The following NRXN3 variants were observed in gnomAD, a reference collection of about 807,000 sequenced individuals.
NRXN3 encodes the protein neurexin 3, also known as neurexin III.
A neutral mutation model predicts 137.6 loss-of-function variants in NRXN3; 32 were observed. The observed-to-expected ratio is 0.23, with a 90% CI of 0.18 to 0.31. NRXN3 has a LOEUF of 0.31. Among genes scored for constraint, NRXN3 ranks in the 10% least tolerant of loss-of-function variants. The probability of loss-of-function intolerance (pLI) is 1.00; values close to 1 mark genes in which losing one functional copy is unlikely to be tolerated. For missense variants in NRXN3, 1,574 were observed against 2,062.5 expected, an observed-to-expected ratio of 0.76 and a Z score of 4.59; for synonymous variants, 798 against 784.5, an observed-to-expected ratio of 1.02 and a Z score of -0.29.
chr14:79,108,167 G>T (rs2052803699), intron 15 of NRXN3, among the ~76,000 whole-genome samples: 1 of 152,126 alleles, frequency 6.6e-6, no homozygotes, highest in East Asian at 1.9e-4. Context: ...TTAGGAAAGT[G>T]AATTCCCTTG....
At chr14:78,469,323 C>CT (rs1221788700) in intron 4 of NRXN3, among the ~76,000 whole-genome samples, 17 of 152,132 alleles carry the variant, frequency 1.1e-4, no homozygotes, top group African/African-American at 4.1e-4. Context: ...ACCAAAGAAT[C>CT]TATTTAGTGA....
chr14:79,103,237 A>G (rs1022813825), intron 15 of NRXN3, among the ~76,000 whole-genome samples: 6 of 152,190 alleles, frequency 3.9e-5, no homozygotes, highest in African/African-American at 1.4e-4. Context: ...GGGCTGTGGC[A>G]AAACAGGAAG....
At chr14:78,350,873 A>C (rs1187596906) in intron 4 of NRXN3, among the ~76,000 whole-genome samples, 1 of 152,168 alleles carries the variant, frequency 6.6e-6, no homozygotes, top group African/African-American at 2.4e-5. Flanking sequence ...TTAAAATAGA[A>C]AAATCTGGAG....
chr14:79,011,282 G>C (rs1472123778), intron 15 of NRXN3, among the ~76,000 whole-genome samples: 1 of 151,902 alleles, frequency 6.6e-6, no homozygotes, highest in East Asian at 1.9e-4. Context: ...AAAAAGATCT[G>C]GTGTAAAAGT....
chr14:79,158,002 A>G (rs983416366), intron 15 of NRXN3, among the ~76,000 whole-genome samples: 1 of 151,784 alleles, frequency 6.6e-6, no homozygotes, highest in African/African-American at 2.4e-5. Context: ...GATTGAGTAA[A>G]GATCTTTCTT....
At chr14:78,174,785 G>T (rs1386664649) in intron 1 of NRXN3, among the ~76,000 whole-genome samples, 2 of 152,160 alleles carry the variant, frequency 1.3e-5, no homozygotes, top group Admixed American at 6.5e-5. Context: ...AACTGCTCCT[G>T]CCTCCAGCAG....
intron 4 of NRXN3, among the ~76,000 whole-genome samples, chr14:78,361,514 G>C (rs561630102): frequency 6.6e-6 from 1 of 152,300 alleles, no homozygotes; most frequent in South Asian, 2.1e-4. Context: ...CTCTCCTGTA[G>C]TTAATTTCTC....
chr14:79,159,752 A>T (rs72688913), intron 15 of NRXN3, among the ~76,000 whole-genome samples: 11,904 of 151,886 alleles, frequency 0.078, 612 homozygotes, highest in Non-Finnish European at 0.11. Context: ...CAGAATTTGT[A>T]TTGCTCTGAT....
At position 79,862,037 on chromosome 14, in the gene NRXN3, G is replaced by C; in HGVS notation, c.*73G>C. The C allele has an allele frequency of 8.1e-7, 1 of 1,230,238 alleles. No individual in the cohort carries two copies. The highest frequency in any genetic ancestry group is 1.5e-5 in the South Asian group (1 of 67,012). The allele number at this position is 1,230,238 out of a possible 1,614,324, so 76.2% of individuals were successfully genotyped here. A position where few individuals can be genotyped will look rare whatever the true frequency, so the allele number is the denominator to read the frequency against. ...ACGCCTATGAATCTTTGGACGGTGA[G>C]ATCTCACAGATGTCAGAACTGCTGG... On this transcript the variant is annotated 3_prime_UTR_variant, in exon 21 of 21. Transcript: ENST00000335750.
intron 10 of NRXN3, among the ~76,000 whole-genome samples, chr14:78,938,889 G>T (rs2099347413): frequency 7.0e-6 from 1 of 142,116 alleles, no homozygotes; most frequent in African/African-American, 2.8e-5. Flanking sequence ...CTGTCGCCCA[G>T]GCTGGAGTGC....
intron 18 of NRXN3, among the ~76,000 whole-genome samples, chr14:79,693,745 G>T (rs74063917): frequency 6.6e-6 from 1 of 151,228 alleles, no homozygotes; most frequent in South Asian, 2.1e-4. Context: ...CACATAAAAG[G>T]TGCTTTCAAA....
At chr14:78,761,921 T>C (rs1223282159) in intron 8 of NRXN3, among the ~76,000 whole-genome samples, 2 of 152,294 alleles carry the variant, frequency 1.3e-5, no homozygotes, top group East Asian at 3.9e-4. Flanking sequence ...TTTGTGTATA[T>C]TGTCTCATTG....
At chr14:79,382,929 G>GT (rs1005472931) in intron 15 of NRXN3, among the ~76,000 whole-genome samples, 7 of 135,094 alleles carry the variant, frequency 5.2e-5, no homozygotes, top group Non-Finnish European at 7.9e-5. Context: ...CAAAAACCGT[G>GT]TTTTTTCTAG....
chr14:79,441,366 C>CTTTTTTTTTTTTTTTTTTTTTTTTTTTT (rs869170695), intron 15 of NRXN3, among the ~76,000 whole-genome samples: 1 of 67,232 alleles, frequency 1.5e-5, no homozygotes, highest in African/African-American at 6.2e-5. Flanking sequence ...AACAGAAAAT[C>CTTTTTTTTTTTTTTTTTTTTTTTTTTTT]TTTTTTTTTT....
At chr14:78,857,863 G>A (rs2099061802) in intron 10 of NRXN3, among the ~76,000 whole-genome samples, 1 of 152,116 alleles carries the variant, frequency 6.6e-6, no homozygotes, top group Non-Finnish European at 1.5e-5. Context: ...ATGTGGAAGG[G>A]TGGTGGGTAG....
At chr14:78,910,727 T>C (rs1289159675) in intron 10 of NRXN3, among the ~76,000 whole-genome samples, 1 of 152,168 alleles carries the variant, frequency 6.6e-6, no homozygotes, top group Non-Finnish European at 1.5e-5. Flanking sequence ...TTTCTCCCTC[T>C]GCTGAAATGT....
intron 4 of NRXN3, among the ~76,000 whole-genome samples, chr14:78,456,839 TTC>T (rs1491228880): frequency 1.4e-4 from 19 of 131,990 alleles, no homozygotes; most frequent in East Asian, 1.3e-3. Context: ...CTTTCTTTCT[TTC>T]TTTCTTTCTT....
At chr14:78,826,006 G>C (rs2098965523) in intron 10 of NRXN3, among the ~76,000 whole-genome samples, 1 of 152,174 alleles carries the variant, frequency 6.6e-6, no homozygotes, top group South Asian at 2.1e-4. Context: ...CCCATGATGA[G>C]ATATATGCAG....
intron 16 of NRXN3, among the ~76,000 whole-genome samples, chr14:79,473,680 A>T (rs1420024839): frequency 1.5e-4 from 23 of 152,210 alleles, no homozygotes. Context: ...TATCCAACAG[A>T]TGCAATTTCG....
Sources: gnomAD v4.1 joint callset for allele counts (sites outside exome capture counted in the v4.1 genomes callset) on GRCh38, gnomAD v4.1.1 for gene constraint, MANE v1.5 for transcripts, NCBI Gene and HGNC (gene_info 2026-07-23, HGNC 2026-07-21) for gene names.